SETX: variants seen among roughly 807,000 people sequenced by gnomAD.
SETX encodes senataxin.
SETX carries 90 observed loss-of-function variants against 227.2 expected under a neutral mutation model. The ratio of observed to expected loss-of-function variants is 0.40; its 90% confidence interval spans 0.33 to 0.47. The LOEUF is 0.47. SETX is among the 20% of genes least tolerant of loss of function. SETX has a pLI of 0.91. For synonymous variants in SETX, 1,210 were observed against 1,113.2 expected, an observed-to-expected ratio of 1.09 and a Z score of -1.73; for missense variants, 3,052 against 3,181.5, an observed-to-expected ratio of 0.96 and a Z score of 0.98.
chr9:132,286,818 A>T (rs1843929605), intron 17 of SETX, among the ~76,000 whole-genome samples: 2 of 152,234 alleles, frequency 1.3e-5, no homozygotes. Context: ...ATGGGCATCT[A>T]ACACAGGCCT....
chr9:132,285,282 T>A (rs1334055892), intron 18 of SETX, among the ~76,000 whole-genome samples: 1 of 152,172 alleles, frequency 6.6e-6, no homozygotes, highest in African/African-American at 2.4e-5. Context: ...ATTTAAATAT[T>A]TACCAGACTT....
At position 132,261,549 on chromosome 9, in the gene SETX, CAA is replaced by C. The variant is rs1241967250; in HGVS notation, c.*2688_*2689del. The C allele has an allele frequency of 1.3e-5, 2 of 152,712 alleles. No homozygotes were observed. Among genetic ancestry groups the C allele is most frequent in the Non-Finnish European group, 2.9e-5 (2 of 68,062 alleles). 9.5% of individuals were successfully genotyped at this position (152,712 alleles called of 1,614,324 possible). On this transcript the variant is annotated 3_prime_UTR_variant, in exon 26 of 26. Coordinates refer to ENST00000224140, the MANE Select transcript of SETX (RefSeq NM_015046.7). The stretch of plus-strand genomic sequence containing the variant: ...TTTCCTCTTAAAATTTAGGGTTTAA[CAA>C]AGACAACAGGGCTGTTTGCCAAATC...
chr9:132,335,136 A>T (rs1847511246), intron 6 of SETX, among the ~76,000 whole-genome samples: 1 of 151,994 alleles, frequency 6.6e-6, no homozygotes, highest in Non-Finnish European at 1.5e-5. Flanking sequence ...CACACCTGTA[A>T]TCCCAGCACT....
chr9:132,329,496 G>A lies in SETX; in HGVS notation c.2102C>T (p.Ala701Val), dbSNP rs1408041927. 1.2e-6 allele frequency: 2 copies of A among 1,612,292 alleles called. No individual in the cohort carries two copies. The highest frequency in any genetic ancestry group is 1.7e-5 in the Admixed American group (1 of 59,886). ...QSSKNIFTER[A>V]EDQIKISTRK... ...TGTACTTATTTTAATTTGATCTTCA[G>A]CTCTTTCAGTAAAAATGTTTTTACT... is the stretch of plus-strand genomic sequence containing the variant. The change falls in exon 10 of 26, where the codon GCT (alanine) becomes GTT (valine). Residue 701 changes from alanine to valine, a missense_variant. Ala to Val is a moderately conservative substitution (Grantham distance 64). Coordinates refer to ENST00000224140, the MANE Select transcript of SETX (RefSeq NM_015046.7).
In SETX at chr9:132,327,204, A is replaced by G; in HGVS notation, c.4394T>C (p.Leu1465Pro). 4 of 1,614,238 alleles carry G rather than the reference A, an allele frequency of 2.5e-6. No homozygotes were observed. The highest frequency in any genetic ancestry group is 3.4e-6 in the Non-Finnish European group (4 of 1,180,042). Residue 1465 changes from leucine to proline, a missense_variant, in exon 10 of 26, where the codon CTG becomes CCG. Transcript: ENST00000224140. ...ACGTGCTGTTGGATCACCTCCACCC[A>G]GAGGGTCTTCTGAAGTGGAGACAAT... Reference protein sequence around the residue: ...EVIVSTSEDPLGGGDPTARHI... With the variant: ...EVIVSTSEDPPGGGDPTARHI...
intron 11 of SETX, among the ~76,000 whole-genome samples, chr9:132,308,577 T>C (rs1421952875): frequency 3.9e-5 from 6 of 152,332 alleles, no homozygotes; most frequent in Non-Finnish European, 8.8e-5. Context: ...GAAGGGATTA[T>C]TGGTAACTTT....
At chr9:132,282,374 C>T (rs7024613) in intron 19 of SETX, among the ~76,000 whole-genome samples, 15,110 of 151,164 alleles carry the variant, frequency 0.1, 846 homozygotes, top group South Asian at 0.16. Context: ...CGTTGTTCAC[C>T]GCCTCCCGGG....
At position 132,288,247 on chromosome 9, in the gene SETX, G is replaced by A. The variant is rs142843968; in HGVS notation, c.6313C>T (p.Arg2105Trp). 2.2e-5 allele frequency: 36 copies of A among 1,613,614 alleles called. No individual in the cohort carries two copies. Among genetic ancestry groups the A allele is most frequent in the African/African-American group, 2.7e-5 (2 of 74,884 alleles). Residue 2105 changes from arginine (R) to tryptophan (W), a missense_variant, in exon 17 of 26, where the codon CGG (arginine) becomes TGG (tryptophan). This residue lies in a region of SETX where 412 missense variants were observed against 589.0 expected (regional missense o/e 0.70). Transcript: ENST00000224140. ...SRQRALCRGG[R>W]EIQRQELDEN... ...AAATGCAAAGATACCTGTATTTCCC[G>A]TCCACCTCGGCATAGAGCTCGCTGC...
intron 15 of SETX, among the ~76,000 whole-genome samples, chr9:132,290,240 G>A (rs1040054388): frequency 2.7e-5 from 4 of 145,994 alleles, no homozygotes; most frequent in Non-Finnish European, 4.4e-5. Flanking sequence ...ACCTTTATTC[G>A]TCTTTATTTT....
intron 6 of SETX, among the ~76,000 whole-genome samples, chr9:132,335,005 T>A (rs1032035050): frequency 6.6e-6 from 1 of 151,538 alleles, no homozygotes; most frequent in Non-Finnish European, 1.5e-5. Flanking sequence ...TTTTAAGATG[T>A]ACCATATTCC....
intron 25 of SETX, 89 bp downstream of exon 25, chr9:132,269,526 A>T (rs1842797051): frequency 2.5e-6 from 4 of 1,606,970 alleles, no homozygotes; most frequent in Non-Finnish European, 2.6e-6. Context: ...GTAATCCAGA[A>T]ATCATTTACA....
upstream of SETX, among the ~76,000 whole-genome samples, chr9:132,355,152 G>T (rs1848847120): frequency 6.6e-6 from 1 of 152,152 alleles, no homozygotes; most frequent in Admixed American, 6.5e-5. Context: ...CGCCCACGCC[G>T]GGCGCTGGCG....
At position 132,263,570 on chromosome 9, in the gene SETX, C is replaced by CCTGGGCCAATGCACTCTAT. The variant is rs1203008041; in HGVS notation, c.*650_*668dup. Reference sequence around the variant, plus strand: ...TGAACTCATCACAGAAATATAATACCCTGGGCCAATGCACTCTATCTAAAA... The same window carrying CCTGGGCCAATGCACTCTAT: ...TGAACTCATCACAGAAATATAATACCCTGGGCCAATGCACTCTATCTGGGCCAATGCACTCTATCTAAAA... On this transcript the variant is annotated 3_prime_UTR_variant, in exon 26 of 26. Transcript: ENST00000224140. 6.6e-6 allele frequency: 1 copy of CCTGGGCCAATGCACTCTAT among 152,192 alleles called. No individual in the cohort carries two copies. The highest frequency in any genetic ancestry group is 1.5e-5 in the Non-Finnish European group (1 of 68,160). The allele number at this position is 152,192 out of a possible 1,614,324, so 9.4% of individuals were successfully genotyped here.
rs1845263988 is a variant in SETX, at chr9:132,305,290, C to T, written c.5375-4487G>A. Among the ~76,000 whole-genome samples, 3 of 137,998 alleles carry T rather than the reference C, an allele frequency of 2.2e-5. No individual in the cohort carries two copies. The South Asian group carries it at 7.3e-4, about 34-fold the overall frequency. The allele number at this position is 137,998 out of a possible 152,430, so 90.5% of individuals were successfully genotyped here. ...AATGGCGTGAACCCGGGAGGTGGAG[C>T]TTGCAGTGAGCTGAGATTGTGCCAC... is the stretch of plus-strand genomic sequence containing the variant. On this transcript the variant is annotated intron_variant, in intron 11 of 25. Transcript: ENST00000224140.
Position 132,300,727 on chromosome 9 carries a change from T to G in SETX, c.5451A>C (p.Arg1817Ser), listed in dbSNP as rs1844945328. Residue 1817 changes from arginine (R) to serine (S), a missense_variant, in exon 12 of 26, where the codon AGA becomes AGC. Arg to Ser is a moderately radical substitution (Grantham distance 110). Transcript: ENST00000224140. ...CTGTATCTTTCTTCTCTTCATTTAT[T>G]CTCTCAGGAGCTAAAAACACCAAAT... Reference protein sequence around the residue: ...ENDLVFLAPERINEEKKDTER... With the variant: ...ENDLVFLAPESINEEKKDTER... 6.2e-7 allele frequency: 1 copy of G among 1,613,770 alleles called. No homozygotes were observed.
At position 132,315,921 on chromosome 9, in the gene SETX, G is replaced by T. The variant is rs566162886; in HGVS notation, c.5275-4065C>A. On this transcript the variant is annotated intron_variant, in intron 10 of 25. Coordinates refer to ENST00000224140, the MANE Select transcript of SETX (RefSeq NM_015046.7). ...GTATAACCGAAAAATCCAGAAGGGG[G>T]GTGTGTGAGAGATTTAGACAAATGG... is the stretch of plus-strand genomic sequence containing the variant. Among the ~76,000 whole-genome samples, 13 of 152,230 alleles carry T rather than the reference G, an allele frequency of 8.5e-5. No individual in the cohort carries two copies. The East Asian group carries it at 1.2e-3, about 14-fold the overall frequency.
At position 132,349,367 on chromosome 9, in the gene SETX, T is replaced by C. The variant is rs780157648; in HGVS notation, c.62A>G (p.Tyr21Cys). Residue 21 changes from tyrosine to cysteine, a missense_variant, in exon 3 of 26, where the codon TAT (tyrosine) becomes TGT (cysteine). Tyr to Cys is a radical substitution (Grantham distance 194, BLOSUM62 -2). Around this residue, in one of 10 missense-constraint regions of SETX, gnomAD observed 152 missense variants for 156.2 expected, o/e 0.97. Transcript: ENST00000224140. ...GASTIDFLKR[Y>C]ASNTPSGEFQ... ...TTCACCGGACGGAGTGTTGGAAGCA[T>C]AGCGCTTTAGGAAGTCAATGGTGGA... 2.5e-6 allele frequency: 4 copies of C among 1,614,088 alleles called. No individual in the cohort carries two copies. Among genetic ancestry groups the C allele is most frequent in the South Asian group, 1.1e-5 (1 of 91,072 alleles).
chr9:132,353,161 G>A (rs370341515), intron 2 of SETX, among the ~76,000 whole-genome samples: 147 of 152,176 alleles, frequency 9.7e-4, no homozygotes, highest in Non-Finnish European at 1.7e-3. Flanking sequence ...AATTCAAATT[G>A]CTGAGCTCAA....
At chr9:132,278,301 A>C (rs760816307) in intron 20 of SETX, 44 bp from the exon 21 acceptor site, 2 of 1,591,054 alleles carry the variant, frequency 1.3e-6, no homozygotes, top group African/African-American at 2.7e-5. Context: ...GAATTCATTT[A>C]TATCTTTCCC....
Sources: allele counts gnomAD v4.1 joint callset (sites outside exome capture counted in the v4.1 genomes callset), GRCh38; gene constraint gnomAD v4.1.1; regional missense constraint gnomAD v4.1.1; transcripts MANE v1.5; gene names NCBI Gene and HGNC (gene_info 2026-07-23, HGNC 2026-07-21).